Variants in PARD3B observed in about 807,000 individuals in gnomAD.
PARD3B encodes partitioning defective 3 homolog B.
PARD3B carries 103 observed loss-of-function variants against 130.2 expected under a neutral mutation model. That is an observed-to-expected ratio of 0.79 (90% confidence interval 0.67 to 0.93). The LOEUF (loss-of-function observed/expected upper bound fraction) is 0.93. PARD3B is among the 40% of genes least tolerant of loss of function. The pLI, the probability that PARD3B is intolerant of heterozygous loss-of-function variation, is 0.00. For missense variants in PARD3B, 1,609 were observed against 1,499.2 expected (o/e 1.07, Z -1.21); for synonymous variants, 583 against 553.2 (o/e 1.05, Z -0.76).
intron 15 of PARD3B, among the ~76,000 whole-genome samples, chr2:205,194,779 A>T (rs2036580224): frequency 6.6e-6 from 1 of 151,604 alleles, no homozygotes; most frequent in Non-Finnish European, 1.5e-5. Flanking sequence ...TTTTAATTTT[A>T]TTATTATTAT....
At position 205,291,977 on chromosome 2, in the gene PARD3B, G is replaced by A. The variant is rs143914155; in HGVS notation, c.2186-8553G>A. On this transcript the variant is annotated intron_variant, in intron 16 of 22. Transcript: ENST00000406610. The surrounding 1 kb of genome is among the most constrained non-coding windows in gnomAD (Gnocchi z 4.6). The stretch of plus-strand genomic sequence containing the variant: ...AACAGGCCCAGAGTGCAAGGGCCCT[G>A]GAGACAGAGTGGTGTCAAAGGAGGG... Among the ~76,000 whole-genome samples, 255 of 152,316 alleles carry A rather than the reference G, an allele frequency of 1.7e-3. No homozygotes were observed. The highest frequency in any genetic ancestry group is 3.4e-3 in the Middle Eastern group (1 of 294).
At chr2:205,450,864 G>A (rs571598488) in intron 20 of PARD3B, among the ~76,000 whole-genome samples, 2 of 152,248 alleles carry the variant, frequency 1.3e-5, no homozygotes, top group South Asian at 4.2e-4. Flanking sequence ...GCAATTGTTT[G>A]TTACAAACCA....
chr2:205,521,750 T>C (rs1246997408), intron 21 of PARD3B, among the ~76,000 whole-genome samples: 1 of 152,100 alleles, frequency 6.6e-6, no homozygotes, highest in Non-Finnish European at 1.5e-5. Context: ...GTACGTTTGT[T>C]TTTTTGTTTG....
At chr2:204,774,073 G>A (rs907838162) in intron 2 of PARD3B, among the ~76,000 whole-genome samples, 1 of 151,852 alleles carries the variant, frequency 6.6e-6, no homozygotes, top group Non-Finnish European at 1.5e-5. Context: ...TCCTCTGCAT[G>A]CCAATCTCTC....
chr2:205,166,420 G>A (rs1423633220), intron 11 of PARD3B, among the ~76,000 whole-genome samples: 1 of 152,144 alleles, frequency 6.6e-6, no homozygotes, highest in East Asian at 1.9e-4. Context: ...ACCAAGGTAT[G>A]TACACCAAAG....
intron 21 of PARD3B, among the ~76,000 whole-genome samples, chr2:205,547,927 A>G (rs961379360): frequency 6.6e-6 from 1 of 152,112 alleles, no homozygotes; most frequent in African/African-American, 2.4e-5. Context: ...TGAAGGTGAC[A>G]CTCTACAAGA....
At chr2:205,381,137 AATATATAAT>A (rs1393616373) in intron 18 of PARD3B, among the ~76,000 whole-genome samples, 81 of 66,262 alleles carry the variant, frequency 1.2e-3, no homozygotes, top group Non-Finnish European at 2.2e-3. Context: ...ATATATAAAG[AATATATAAT>A]ATATATAATA....
intron 16 of PARD3B, among the ~76,000 whole-genome samples, chr2:205,256,357 A>G (rs1208809747): frequency 6.6e-6 from 1 of 152,134 alleles, no homozygotes; most frequent in Non-Finnish European, 1.5e-5. Flanking sequence ...TGTACCGTAT[A>G]CCAGGCTCTT....
At chr2:204,849,409 G>A (rs2044614115) in intron 2 of PARD3B, among the ~76,000 whole-genome samples, 1 of 152,150 alleles carries the variant, frequency 6.6e-6, no homozygotes, top group African/African-American at 2.4e-5. Context: ...TATATGACTA[G>A]GCTGAATATT....
At chr2:205,324,747 T>C (rs1016742672) in intron 18 of PARD3B, among the ~76,000 whole-genome samples, 23 of 152,016 alleles carry the variant, frequency 1.5e-4, no homozygotes, top group Admixed American at 1.0e-3. Context: ...CCTCCTCTCT[T>C]CTAACCCTCC....
At chr2:205,571,007 C>T (rs555374825) in intron 22 of PARD3B, among the ~76,000 whole-genome samples, 1 of 152,164 alleles carries the variant, frequency 6.6e-6, no homozygotes, top group South Asian at 2.1e-4. Context: ...ATAAATAATC[C>T]ATTTTCTATA....
In PARD3B at chr2:204,841,228, G is replaced by A. The variant is rs150689603; in HGVS notation, c.223-123924G>A. On this transcript the variant is annotated intron_variant, in intron 2 of 22. Coordinates refer to ENST00000406610, the MANE Select transcript of PARD3B (RefSeq NM_001302769.2). ...TGATAGGTTGGATGCTGCCGGAGAGGTTACTAGTGCATGGAAGCTCCAAAA... is the reference window on the plus strand; with the variant it reads ...TGATAGGTTGGATGCTGCCGGAGAGATTACTAGTGCATGGAAGCTCCAAAA... 4.4e-3 allele frequency among the ~76,000 whole-genome samples: 673 copies of A among 152,130 alleles called. 6 individuals are homozygous for A. The highest frequency in any genetic ancestry group is 0.044 in the Middle Eastern group (13 of 294).
chr2:204,723,438 A>G (rs886666153), intron 2 of PARD3B, among the ~76,000 whole-genome samples: 4 of 152,146 alleles, frequency 2.6e-5, no homozygotes, highest in Admixed American at 2.6e-4. Flanking sequence ...AAATTTGCCA[A>G]AGAACAAAAA....
intron 18 of PARD3B, among the ~76,000 whole-genome samples, chr2:205,359,180 G>T (rs555304976): frequency 6.6e-6 from 1 of 152,090 alleles, no homozygotes; most frequent in Non-Finnish European, 1.5e-5. Flanking sequence ...TGCTTTATTG[G>T]TCCAGAGTAA....
chr2:205,460,584 G>A lies in PARD3B; in HGVS notation c.3044+19912G>A, dbSNP rs1457588271. Among the ~76,000 whole-genome samples, 1 of 152,092 alleles carries A rather than the reference G, an allele frequency of 6.6e-6. No homozygotes were observed. Among genetic ancestry groups the A allele is most frequent in the African/African-American group, 2.4e-5 (1 of 41,394 alleles). On this transcript the variant is annotated intron_variant, in intron 20 of 22. Coordinates refer to ENST00000406610, the MANE Select transcript of PARD3B (RefSeq NM_001302769.2). The surrounding 1 kb of genome is among the most constrained non-coding windows in gnomAD (Gnocchi z 4.9). ...CTTTCTCCTAGTGGTCATTAACATA[G>A]AGTTTGAAGCTGGGCATAAATCCTA...
At chr2:204,788,240 T>A (rs891209324) in intron 2 of PARD3B, among the ~76,000 whole-genome samples, 4 of 152,196 alleles carry the variant, frequency 2.6e-5, no homozygotes, top group African/African-American at 7.2e-5. Context: ...GCTGATACTT[T>A]TCAAAGAAGA....
intron 1 of PARD3B, among the ~76,000 whole-genome samples, chr2:204,652,906 G>A (rs191735276): frequency 2.7e-5 from 4 of 150,874 alleles, no homozygotes; most frequent in East Asian, 1.9e-4. Flanking sequence ...ACACAGTTTC[G>A]AACAACCAGA....
intron 21 of PARD3B, among the ~76,000 whole-genome samples, chr2:205,504,934 T>C (rs567589189): frequency 6.6e-6 from 1 of 152,310 alleles, no homozygotes; most frequent in East Asian, 1.9e-4. Flanking sequence ...TAAAGACACA[T>C]GCACGCGTAT....
intron 20 of PARD3B, among the ~76,000 whole-genome samples, chr2:205,451,676 A>C (rs1446973195): frequency 6.9e-6 from 1 of 145,644 alleles, no homozygotes; most frequent in African/African-American, 2.7e-5. Flanking sequence ...AATTTTTGTG[A>C]TTATGTAATA....
Sources: gnomAD v4.1 joint callset for allele counts (sites outside exome capture counted in the v4.1 genomes callset) on GRCh38, gnomAD v4.1.1 for gene constraint, Gnocchi (gnomAD v3.1) non-coding constraint, MANE v1.5 for transcripts, NCBI Gene and HGNC (gene_info 2026-07-23, HGNC 2026-07-21) for gene names.